PLXDC2: variants seen among roughly 807,000 people sequenced by gnomAD.
PLXDC2 encodes plexin domain containing 2.
A neutral mutation model predicts 68.9 loss-of-function variants in PLXDC2; 40 were observed. The observed-to-expected ratio is 0.58, with a 90% CI of 0.45 to 0.76. PLXDC2 has a LOEUF of 0.76. Ranked by LOEUF, PLXDC2 falls within the 30% of genes least tolerant of loss-of-function variation. The pLI, the probability that PLXDC2 is intolerant of heterozygous loss-of-function variation, is 0.00. For missense variants in PLXDC2, 644 were observed against 661.9 expected (o/e 0.97, Z 0.30); for synonymous variants, 243 against 234.2 (o/e 1.04, Z -0.34).
At chr10:20,106,870 A>G (rs2131744495) in intron 4 of PLXDC2, among the ~76,000 whole-genome samples, 1 of 151,954 alleles carries the variant, frequency 6.6e-6, no homozygotes, top group South Asian at 2.1e-4. Flanking sequence ...AATATACAAT[A>G]TACTATTTGC....
intron 13 of PLXDC2, among the ~76,000 whole-genome samples, chr10:20,259,301 G>A (rs1835781941): frequency 6.6e-6 from 1 of 152,080 alleles, no homozygotes; most frequent in African/African-American, 2.4e-5. Flanking sequence ...AGATTTTATG[G>A]TAATGAGGAA....
At chr10:20,084,395 C>G (rs150615170) in intron 4 of PLXDC2, among the ~76,000 whole-genome samples, 1 of 152,202 alleles carries the variant, frequency 6.6e-6, no homozygotes, top group African/African-American at 2.4e-5. Flanking sequence ...CAGGAGGAAG[C>G]CTTATAGCAG....
At chr10:20,027,730 A>G (rs1330770043) in intron 2 of PLXDC2, among the ~76,000 whole-genome samples, 2 of 151,474 alleles carry the variant, frequency 1.3e-5, no homozygotes, top group African/African-American at 4.8e-5. Flanking sequence ...ACATCAAATC[A>G]ATGCAGCAGA....
chr10:20,184,083 G>A (rs184315559), intron 9 of PLXDC2, among the ~76,000 whole-genome samples: 2 of 151,912 alleles, frequency 1.3e-5, no homozygotes, highest in Non-Finnish European at 2.9e-5. Context: ...TTACAGAATA[G>A]TAGTATCACA....
At chr10:19,987,860 G>T (rs369002016) in intron 1 of PLXDC2, among the ~76,000 whole-genome samples, 251 of 152,126 alleles carry the variant, frequency 1.6e-3, no homozygotes, top group Middle Eastern at 0.014. Context: ...GAGCTACCGC[G>T]CCCAGCCGAT....
Position 20,283,998 on chromosome 10 carries a change from A to T in PLXDC2, c.*4179A>T, listed in dbSNP as rs1038767759. 2.0e-5 allele frequency: 3 copies of T among 152,104 alleles called. No homozygotes were observed. Among genetic ancestry groups the T allele is most frequent in the African/African-American group, 7.2e-5 (3 of 41,418 alleles). The allele number at this position is 152,104 out of a possible 1,614,324, so 9.4% of individuals were successfully genotyped here. A position where few individuals can be genotyped will look rare whatever the true frequency, so the allele number is the denominator to read the frequency against. On this transcript the variant is annotated 3_prime_UTR_variant, in exon 14 of 14. Coordinates refer to ENST00000377252, the MANE Select transcript of PLXDC2 (RefSeq NM_032812.9). ...TGTTACATCTTCATGAGGGAGTATA[A>T]ATTTGATCACGTCCCTAGTGTCTAT...
intron 4 of PLXDC2, among the ~76,000 whole-genome samples, chr10:20,106,394 A>G (rs1833491159): frequency 6.6e-6 from 1 of 152,198 alleles, no homozygotes; most frequent in Non-Finnish European, 1.5e-5. Flanking sequence ...GACGGTTCCT[A>G]AGCAGGGGAA....
At chr10:20,136,449 G>C (rs1460380672) in intron 4 of PLXDC2, among the ~76,000 whole-genome samples, 3 of 152,114 alleles carry the variant, frequency 2.0e-5, no homozygotes, top group African/African-American at 7.2e-5. Flanking sequence ...ATTGTTCTGA[G>C]ACCTCATCAA....
chr10:20,279,327 G>A (rs1190786193), intron 13 of PLXDC2, among the ~76,000 whole-genome samples: 1 of 152,162 alleles, frequency 6.6e-6, no homozygotes, highest in East Asian at 1.9e-4. Flanking sequence ...GACTTGTAGA[G>A]AAGAGAGAGT....
At chr10:20,071,601 G>T (rs182228726) in intron 4 of PLXDC2, among the ~76,000 whole-genome samples, 1 of 152,168 alleles carries the variant, frequency 6.6e-6, no homozygotes, top group East Asian at 1.9e-4. Flanking sequence ...TGCCATGATT[G>T]TGAGGCCTCC....
chr10:20,017,448 C>T (rs537939561), intron 2 of PLXDC2, among the ~76,000 whole-genome samples: 28 of 152,262 alleles, frequency 1.8e-4, no homozygotes, highest in South Asian at 1.2e-3. Flanking sequence ...AGTTCCCCTG[C>T]GATGCGATCA....
At chr10:19,868,059 C>G (rs16919476) in intron 1 of PLXDC2, among the ~76,000 whole-genome samples, 29,934 of 151,968 alleles carry the variant, frequency 0.2, 3,719 homozygotes, top group African/African-American at 0.34. Context: ...CAATGTGATA[C>G]GTGGCTTTGT....
intron 1 of PLXDC2, among the ~76,000 whole-genome samples, chr10:19,921,725 T>C (rs1833464355): frequency 6.6e-6 from 1 of 152,254 alleles, no homozygotes; most frequent in Non-Finnish European, 1.5e-5. Context: ...TTGTGTGGTC[T>C]GTGCTCTGCA....
chr10:20,039,125 A>G (rs1368445408), intron 2 of PLXDC2, among the ~76,000 whole-genome samples: 3 of 152,204 alleles, frequency 2.0e-5, no homozygotes, highest in African/African-American at 7.2e-5. Flanking sequence ...AATGTCTTCA[A>G]CCACACTGTA....
intron 12 of PLXDC2, among the ~76,000 whole-genome samples, chr10:20,238,167 C>T (rs553881259): frequency 4.7e-5 from 7 of 149,380 alleles, no homozygotes; most frequent in Non-Finnish European, 8.9e-5. Flanking sequence ...TATGTATATA[C>T]ATATATATAC....
chr10:19,968,926 G>T (rs964912635), intron 1 of PLXDC2, among the ~76,000 whole-genome samples: 1 of 152,066 alleles, frequency 6.6e-6, no homozygotes, highest in African/African-American at 2.4e-5. Flanking sequence ...AAGTTCCCTG[G>T]GGGACCTGGC....
intron 2 of PLXDC2, among the ~76,000 whole-genome samples, chr10:20,024,796 A>G (rs1227891030): frequency 6.6e-6 from 1 of 152,060 alleles, no homozygotes; most frequent in African/African-American, 2.4e-5. Context: ...TTCAGGTCCT[A>G]CTTATAAGTG....
At chr10:20,240,485 A>T (rs1487897425) in intron 12 of PLXDC2, among the ~76,000 whole-genome samples, 1 of 152,176 alleles carries the variant, frequency 6.6e-6, no homozygotes, top group Non-Finnish European at 1.5e-5. Flanking sequence ...ATAAATATGC[A>T]AAATCTGTAC....
rs549526041 is a variant in PLXDC2 at position 20,158,644 on chromosome 10, C to T, written c.784-5824C>T. Among the ~76,000 whole-genome samples, 217 of 151,548 alleles carry T rather than the reference C, an allele frequency of 1.4e-3. 1 individual carries two copies. The highest frequency in any genetic ancestry group is 5.0e-3 in the African/African-American group (209 of 41,416). The stretch of plus-strand genomic sequence containing the variant: ...CACCACTGCACTCCAGCCTGGGCAA[C>T]AGAATGAGACTCTGTCTCAAATAAA... On this transcript the variant is annotated intron_variant, in intron 6 of 13. Coordinates refer to ENST00000377252, the MANE Select transcript of PLXDC2 (RefSeq NM_032812.9).
Sources: gnomAD v4.1 joint callset for allele counts (sites outside exome capture counted in the v4.1 genomes callset) on GRCh38, gnomAD v4.1.1 for gene constraint, MANE v1.5 for transcripts, NCBI Gene and HGNC (gene_info 2026-07-23, HGNC 2026-07-21) for gene names.